SF3B1: variants seen among roughly 807,000 people sequenced by gnomAD.
SF3B1 encodes splicing factor 3b subunit 1, also known as pre-mRNA processing 10.
Under a neutral mutation model 153.8 loss-of-function variants are expected in SF3B1, and 12 were observed. That is an observed-to-expected ratio of 0.08 (90% CI 0.05 to 0.13). The LOEUF (loss-of-function observed/expected upper bound fraction) is 0.13, where lower values mean the gene tolerates loss of function less well. SF3B1 is among the 10% of genes least tolerant of loss of function. The probability of loss-of-function intolerance (pLI) is 1.00; values close to 1 mark genes in which losing one functional copy is unlikely to be tolerated. For synonymous variants in SF3B1, 498 were observed against 525.2 expected, an observed-to-expected ratio of 0.95 and a Z score of 0.71; for missense variants, 513 against 1,606.1, an observed-to-expected ratio of 0.32 and a Z score of 11.63.
At chr2:197,410,703 T>A (rs2085055523) in intron 6 of SF3B1, among the ~76,000 whole-genome samples, 1 of 151,816 alleles carries the variant, frequency 6.6e-6, no homozygotes, top group Non-Finnish European at 1.5e-5. Context: ...ACAGGGTTTC[T>A]CCACGTTGGT....
chr2:197,406,599 A>C (rs1025193870), intron 9 of SF3B1, among the ~76,000 whole-genome samples: 9 of 152,172 alleles, frequency 5.9e-5, no homozygotes, highest in Non-Finnish European at 1.0e-4. Context: ...ACTAAGGGAG[A>C]CTTTTCCTCC....
At chr2:197,394,544 C>G (rs1348613879) in intron 23 of SF3B1, among the ~76,000 whole-genome samples, 1 of 152,212 alleles carries the variant, frequency 6.6e-6, no homozygotes, top group Non-Finnish European at 1.5e-5. Flanking sequence ...ATGAGTTATT[C>G]ATTCCACAAT....
At position 197,434,928 on chromosome 2, in the gene SF3B1, G is replaced by GGCTA. The variant is rs2085499460; in HGVS notation, c.28+40_28+43dup. 4.4e-6 allele frequency: 7 copies of GGCTA among 1,588,642 alleles called. No individual in the cohort carries two copies. The East Asian group carries it at 1.6e-4, about 35-fold the overall frequency. On this transcript the variant is annotated intron_variant, in intron 1 of 24. Transcript: ENST00000335508. ...ATCCTAGGAAAAAAGGCTTTTATTA[G>GGCTA]GCTAGCAACGAAGAAAACACGTAAG...
chr2:197,400,183 A>C lies in SF3B1; in HGVS notation c.2902-17T>G. On this transcript the variant is annotated splice_polypyrimidine_tract_variant and intron_variant, in intron 19 of 24. Coordinates refer to ENST00000335508, the MANE Select transcript of SF3B1 (RefSeq NM_012433.4). This position sits in a 1 kb window ranked among gnomAD's most constrained non-coding sequence, Gnocchi z 5.0. ...CAATTTTTCCTATAATAAAACAAAT[A>C]ATGTTAAAATGTTACTATTTACATT... The C allele has an allele frequency of 6.8e-7, 1 of 1,478,052 alleles. No homozygotes were observed. Among genetic ancestry groups the C allele is most frequent in the Non-Finnish European group, 9.3e-7 (1 of 1,080,178 alleles). 91.6% of individuals were successfully genotyped at this position (1,478,052 alleles called of 1,614,324 possible).
intron 1 of SF3B1, among the ~76,000 whole-genome samples, chr2:197,431,322 G>A (rs541044737): frequency 6.6e-6 from 1 of 151,898 alleles, no homozygotes; most frequent in Non-Finnish European, 1.5e-5. Flanking sequence ...GTTTCACCAC[G>A]TTGGCCAGGC....
chr2:197,401,571 G>A lies in SF3B1; in HGVS notation c.2371-46C>T. The A allele has an allele frequency of 6.4e-7, 1 of 1,568,962 alleles. No homozygotes were observed. The highest frequency in any genetic ancestry group is 1.4e-5 in the African/African-American group (1 of 73,592). ...AATAATAAATCAACTGACCTGAAAT[G>A]AAGAGAATACTCATTGCTGATTACG... On this transcript the variant is annotated intron_variant, in intron 16 of 24. Transcript: ENST00000335508. This position sits in a 1 kb window ranked among gnomAD's most constrained non-coding sequence, Gnocchi z 4.2.
At chr2:197,432,067 T>C (rs909169303) in intron 1 of SF3B1, among the ~76,000 whole-genome samples, 28 of 152,246 alleles carry the variant, frequency 1.8e-4, no homozygotes, top group African/African-American at 6.5e-4. Flanking sequence ...GTAGGTTAAG[T>C]GAGCTATGAT....
chr2:197,417,592 A>G lies in SF3B1; in HGVS notation c.496-681T>C, dbSNP rs1014459541. ...ACCTCTACTAAAAAAAAAAAAAAAA[A>G]AAAGAAATATGAAAATTAGCCAGGC... On this transcript the variant is annotated intron_variant, in intron 5 of 24. Transcript: ENST00000335508. Among the ~76,000 whole-genome samples, 8 of 150,838 alleles carry G rather than the reference A, an allele frequency of 5.3e-5. No individual in the cohort carries two copies. In the East Asian group the frequency reaches 5.9e-4, roughly 11 times the overall value.
At chr2:197,403,529 T>C (rs1339197127) in intron 12 of SF3B1, 56 bp downstream of exon 12, 1 of 1,177,152 alleles carries the variant, frequency 8.5e-7, no homozygotes, top group East Asian at 2.7e-5. Flanking sequence ...TTAACATTGA[T>C]TAACTGAAAA....
chr2:197,427,252 T>A (rs1300164375), intron 1 of SF3B1, among the ~76,000 whole-genome samples: 1 of 152,238 alleles, frequency 6.6e-6, no homozygotes, highest in African/African-American at 2.4e-5. Flanking sequence ...CTAAGGTGAG[T>A]ATATTACTGA....
At chr2:197,395,656 T>C (rs1418681279) in intron 23 of SF3B1, among the ~76,000 whole-genome samples, 1 of 152,110 alleles carries the variant, frequency 6.6e-6, no homozygotes, top group East Asian at 1.9e-4. Context: ...TGTTCAGTAA[T>C]TCAAAGGCTT....
chr2:197,391,374 G>A lies in SF3B1; in HGVS notation c.*929C>T, dbSNP rs1360599036. 2 of 152,206 alleles carry A rather than the reference G, an allele frequency of 1.3e-5. No individual in the cohort carries two copies. The highest frequency in any genetic ancestry group is 2.1e-4 in the South Asian group (1 of 4,828). 9.4% of individuals were successfully genotyped at this position (152,206 alleles called of 1,614,324 possible). On this transcript the variant is annotated 3_prime_UTR_variant, in exon 25 of 25. Coordinates refer to ENST00000335508, the MANE Select transcript of SF3B1 (RefSeq NM_012433.4). The stretch of plus-strand genomic sequence containing the variant: ...ATTATACTGTTCTTAAAGGTAGAGG[G>A]CAGGTCTCATGCACCTTTGCATCCC...
intron 5 of SF3B1, among the ~76,000 whole-genome samples, chr2:197,417,336 T>G (rs534315467): frequency 2.6e-5 from 4 of 152,252 alleles, no homozygotes; most frequent in African/African-American, 7.2e-5. Context: ...TATGTAAATA[T>G]GCATAGTGAT....
In SF3B1 at chr2:197,421,144, A is replaced by C. The variant is rs750631984; in HGVS notation, c.196-11T>G. The C allele has an allele frequency of 2.6e-6, 4 of 1,562,052 alleles. No individual in the cohort carries two copies. The highest frequency in any genetic ancestry group is 2.7e-5 in the African/African-American group (2 of 73,644). On this transcript the variant is annotated splice_polypyrimidine_tract_variant and intron_variant, in intron 2 of 24. Transcript: ENST00000335508. ...ATAGTCATCGTCATCCTGCAATGAA[A>C]ACCCCCCAAAAAGCCATAAACAAAA...
At chr2:197,423,262 C>A (rs1398690597) in intron 2 of SF3B1, among the ~76,000 whole-genome samples, 1 of 151,792 alleles carries the variant, frequency 6.6e-6, no homozygotes, top group Non-Finnish European at 1.5e-5. Flanking sequence ...TAGCAGGCGC[C>A]TGTAATCCCA....
intron 2 of SF3B1, among the ~76,000 whole-genome samples, chr2:197,421,782 AG>A (rs2085246427): frequency 6.6e-6 from 1 of 152,158 alleles, no homozygotes; most frequent in Non-Finnish European, 1.5e-5. Context: ...GTTCAAGACC[AG>A]CCTGGGCAAC....
chr2:197,424,142 G>T (rs2085292993), intron 1 of SF3B1, among the ~76,000 whole-genome samples, 168 bp from the exon 2 acceptor site: 1 of 152,178 alleles, frequency 6.6e-6, no homozygotes, highest in Non-Finnish European at 1.5e-5. Flanking sequence ...GCAAGCTCTA[G>T]AAATTAAACC....
rs1168066149 is a variant in SF3B1 at position 197,403,768 on chromosome 2, G to A, written c.1540-4C>T. On this transcript the variant is annotated splice_region_variant and splice_polypyrimidine_tract_variant and intron_variant, in intron 11 of 24. Transcript: ENST00000335508. ...CAGTAATCTGACGCAATGCAGCCTG[G>A]GAAAAAGAGCAGAGTAATAGGTGTG... 20 of 1,569,906 alleles carry A rather than the reference G, an allele frequency of 1.3e-5. No individual in the cohort carries two copies. The Admixed American group carries it at 3.7e-4, about 29-fold the overall frequency.
At chr2:197,417,336 T>C (rs534315467) in intron 5 of SF3B1, among the ~76,000 whole-genome samples, 1 of 152,134 alleles carries the variant, frequency 6.6e-6, no homozygotes, top group Non-Finnish European at 1.5e-5. Context: ...TATGTAAATA[T>C]GCATAGTGAT....
Sources: allele counts gnomAD v4.1 joint callset (sites outside exome capture counted in the v4.1 genomes callset), GRCh38; gene constraint gnomAD v4.1.1; non-coding constraint Gnocchi (gnomAD v3.1); transcripts MANE v1.5; gene names NCBI Gene and HGNC (gene_info 2026-07-23, HGNC 2026-07-21).